OLFM3: variants seen among roughly 807,000 people sequenced by gnomAD.
The protein encoded by OLFM3 is olfactomedin 3.
A neutral mutation model predicts 48.6 loss-of-function variants in OLFM3; 20 were observed. The observed-to-expected ratio is 0.41, with a 90% CI of 0.29 to 0.60. The LOEUF (loss-of-function observed/expected upper bound fraction) is 0.60. Among genes scored for constraint, OLFM3 ranks in the 20% least tolerant of loss-of-function variants. The probability of loss-of-function intolerance (pLI) is 0.28; values close to 1 mark genes in which losing one functional copy is unlikely to be tolerated. For missense variants in OLFM3, 437 were observed against 544.3 expected, an observed-to-expected ratio of 0.80 and a Z score of 1.96; for synonymous variants, 222 against 198.1, an observed-to-expected ratio of 1.12 and a Z score of -1.01.
At chr1:101,827,921 A>G (rs1046061469) in intron 3 of OLFM3, among the ~76,000 whole-genome samples, 1 of 152,070 alleles carries the variant, frequency 6.6e-6, no homozygotes, top group South Asian at 2.1e-4. Context: ...TGATTGTATC[A>G]TGGGGGTGGT....
chr1:101,924,626 A>G (rs1212573262), intron 1 of OLFM3, among the ~76,000 whole-genome samples: 2 of 152,194 alleles, frequency 1.3e-5, no homozygotes. Flanking sequence ...TGTCATTCCC[A>G]ATAAGCCTAG....
intron 1 of OLFM3, among the ~76,000 whole-genome samples, chr1:101,962,338 T>C (rs1009225398): frequency 4.6e-5 from 7 of 152,120 alleles, no homozygotes; most frequent in African/African-American, 1.7e-4. Context: ...TGAGATTAAT[T>C]AATGTAAGTT....
intron 1 of OLFM3, among the ~76,000 whole-genome samples, chr1:101,867,800 T>C (rs573851120): frequency 1.3e-5 from 2 of 152,370 alleles, no homozygotes; most frequent in African/African-American, 4.8e-5. Context: ...GGTTTGGCTA[T>C]GTCCCCATCC....
chr1:101,969,587 T>G (rs1326109236), intron 1 of OLFM3, among the ~76,000 whole-genome samples: 2 of 152,206 alleles, frequency 1.3e-5, no homozygotes, highest in Non-Finnish European at 2.9e-5. Context: ...TTTCTTCCTG[T>G]GTTATTCAGA....
chr1:101,829,360 A>G (rs1169320544), intron 3 of OLFM3, among the ~76,000 whole-genome samples: 1 of 152,032 alleles, frequency 6.6e-6, no homozygotes, highest in African/African-American at 2.4e-5. Context: ...TCTCTCTTCA[A>G]TTTAAACCTC....
At chr1:101,948,500 T>C (rs1394637535) in intron 1 of OLFM3, among the ~76,000 whole-genome samples, 1 of 152,178 alleles carries the variant, frequency 6.6e-6, no homozygotes, top group Non-Finnish European at 1.5e-5. Context: ...GAGTCAGATT[T>C]GTTTAGGTAA....
intron 1 of OLFM3, among the ~76,000 whole-genome samples, chr1:101,842,536 G>A (rs1655778742): frequency 6.6e-6 from 1 of 152,152 alleles, no homozygotes; most frequent in Non-Finnish European, 1.5e-5. Flanking sequence ...GACAGAGTGA[G>A]ACTGTCTGAA....
chr1:101,886,442 T>C (rs1018658667), intron 1 of OLFM3, among the ~76,000 whole-genome samples: 3 of 152,058 alleles, frequency 2.0e-5, no homozygotes, highest in Non-Finnish European at 2.9e-5. Context: ...TAATTTTGTA[T>C]GTACATAAAA....
At chr1:101,923,445 TC>T (rs761316118) in intron 1 of OLFM3, among the ~76,000 whole-genome samples, 9 of 152,216 alleles carry the variant, frequency 5.9e-5, no homozygotes, top group Non-Finnish European at 1.2e-4. Flanking sequence ...CTTCAGCATT[TC>T]TGAATTCTGA....
intron 1 of OLFM3, among the ~76,000 whole-genome samples, chr1:101,986,133 T>A (rs985347532): frequency 6.6e-6 from 1 of 151,964 alleles, no homozygotes; most frequent in Non-Finnish European, 1.5e-5. Context: ...GCCCGGCTAA[T>A]TTTTTGTATT....
intron 1 of OLFM3, among the ~76,000 whole-genome samples, chr1:101,990,926 A>G (rs1388983331): frequency 7.1e-6 from 1 of 140,398 alleles, no homozygotes; most frequent in African/African-American, 2.6e-5. Context: ...CAGAGCTTGC[A>G]GTGAGCCGAG....
rs1279792043 is a variant in OLFM3 at position 101,803,584 on chromosome 1, A to G, written c.*654T>C. The stretch of plus-strand genomic sequence containing the variant: ...AAATGGACTCAATTACTGAGGTTAA[A>G]TTTCAGTGTATTTTATAAAAAATAT... On this transcript the variant is annotated 3_prime_UTR_variant, in exon 6 of 6. Transcript: ENST00000370103. 6.6e-6 allele frequency: 1 copy of G among 152,182 alleles called. No homozygotes were observed. Among genetic ancestry groups the G allele is most frequent in the South Asian group, 2.1e-4 (1 of 4,826 alleles). The allele number at this position is 152,182 out of a possible 1,614,324, so 9.4% of individuals were successfully genotyped here.
intron 3 of OLFM3, among the ~76,000 whole-genome samples, chr1:101,829,955 C>T (rs1011254832): frequency 2.5e-4 from 38 of 152,074 alleles, no homozygotes; most frequent in African/African-American, 8.7e-4. Context: ...CTGCCTCAGC[C>T]TCCCGAGTAG....
intron 1 of OLFM3, among the ~76,000 whole-genome samples, chr1:101,878,322 A>G (rs1031306632): frequency 7.2e-5 from 11 of 151,928 alleles, no homozygotes; most frequent in African/African-American, 2.7e-4. Context: ...CACCTGAATT[A>G]ACTTCTCCAA....
chr1:101,996,511 C>G (rs578100562), intron 1 of OLFM3, among the ~76,000 whole-genome samples: 2 of 152,250 alleles, frequency 1.3e-5, no homozygotes, highest in East Asian at 3.9e-4. Flanking sequence ...GCCCGCTGCC[C>G]ATGCACATTA....
At chr1:101,911,024 C>T (rs982294277) in intron 1 of OLFM3, among the ~76,000 whole-genome samples, 7 of 152,034 alleles carry the variant, frequency 4.6e-5, no homozygotes, top group East Asian at 1.9e-4. Flanking sequence ...GAAAGGAAAA[C>T]GGCACAATGG....
chr1:101,831,378 A>G (rs1308339124), intron 2 of OLFM3, among the ~76,000 whole-genome samples: 2 of 152,186 alleles, frequency 1.3e-5, no homozygotes. Context: ...ATTGGACAGC[A>G]TAGTGTTTGA....
intron 1 of OLFM3, among the ~76,000 whole-genome samples, chr1:101,984,824 ATGTT>A (rs1444742411): frequency 2.6e-5 from 4 of 152,222 alleles, no homozygotes; most frequent in African/African-American, 7.2e-5. Flanking sequence ...TTGGCTGATT[ATGTT>A]TGTTTGTACA....
intron 1 of OLFM3, among the ~76,000 whole-genome samples, chr1:101,932,601 C>T (rs111574290): frequency 5.4e-4 from 82 of 152,172 alleles, no homozygotes; most frequent in Non-Finnish European, 8.4e-4. Context: ...AAATCCCTAA[C>T]GGCATGACAG....
Sources: gnomAD v4.1 joint callset for allele counts (sites outside exome capture counted in the v4.1 genomes callset) on GRCh38, gnomAD v4.1.1 for gene constraint, MANE v1.5 for transcripts, NCBI Gene and HGNC (gene_info 2026-07-23, HGNC 2026-07-21) for gene names.